The following PTPRK variants were observed in gnomAD, a reference collection of about 807,000 sequenced individuals.
PTPRK encodes receptor-type tyrosine-protein phosphatase kappa.
Under a neutral mutation model 178.0 loss-of-function variants are expected in PTPRK, and 75 were observed. The ratio of observed to expected loss-of-function variants is 0.42; its 90% CI spans 0.35 to 0.51. The LOEUF is 0.51. Among genes scored for constraint, PTPRK ranks in the 20% least tolerant of loss-of-function variants. The pLI, the probability that PTPRK is intolerant of heterozygous loss-of-function variation, is 0.02. For synonymous variants in PTPRK, 637 were observed against 620.6 expected (o/e 1.03, Z -0.39); for missense variants, 1,441 against 1,797.8 (o/e 0.80, Z 3.59).
At chr6:128,131,872 ACT>A (rs1794297667) in intron 7 of PTPRK, among the ~76,000 whole-genome samples, 1 of 152,200 alleles carries the variant, frequency 6.6e-6, no homozygotes, top group South Asian at 2.1e-4. Context: ...ATGAGTCATC[ACT>A]TTTTTGTTAT....
At chr6:128,191,490 T>C (rs942028739) in intron 6 of PTPRK, among the ~76,000 whole-genome samples, 2 of 151,928 alleles carry the variant, frequency 1.3e-5, no homozygotes, top group Non-Finnish European at 2.9e-5. Flanking sequence ...GTTTTGGAGG[T>C]CTACTATAAC....
chr6:128,111,048 TACA>T (rs1262647174), intron 7 of PTPRK, among the ~76,000 whole-genome samples: 1 of 152,122 alleles, frequency 6.6e-6, no homozygotes, highest in Non-Finnish European at 1.5e-5. Flanking sequence ...AACTCTAATC[TACA>T]ACAACATCAC....
At chr6:128,498,412 G>A (rs1289139241) in intron 1 of PTPRK, among the ~76,000 whole-genome samples, 1 of 152,178 alleles carries the variant, frequency 6.6e-6, no homozygotes, top group Non-Finnish European at 1.5e-5. Flanking sequence ...TGGGGGAGAC[G>A]TTTACTCAGT....
chr6:128,333,836 G>A, intron 2 of PTPRK, among the ~76,000 whole-genome samples: 1 of 152,100 alleles, frequency 6.6e-6, no homozygotes, highest in East Asian at 1.9e-4. Flanking sequence ...CCCAGCTATT[G>A]GCCTATCTCA....
intron 1 of PTPRK, among the ~76,000 whole-genome samples, chr6:128,435,942 C>G (rs960405983): frequency 6.7e-6 from 1 of 149,298 alleles, no homozygotes; most frequent in Non-Finnish European, 1.5e-5. Context: ...TTAAATAAGT[C>G]AACTAATTGA....
At chr6:128,416,943 A>G (rs1021784774) in intron 1 of PTPRK, among the ~76,000 whole-genome samples, 5 of 148,660 alleles carry the variant, frequency 3.4e-5, no homozygotes, top group African/African-American at 9.8e-5. Flanking sequence ...TTTTATGGAT[A>G]TAATAATTAT....
chr6:128,367,501 C>T (rs1426114957), intron 2 of PTPRK, among the ~76,000 whole-genome samples: 1 of 152,138 alleles, frequency 6.6e-6, no homozygotes, highest in Non-Finnish European at 1.5e-5. Flanking sequence ...ACATAACTTG[C>T]AGCACTTTTA....
chr6:128,208,652 T>G (rs1019685467), intron 6 of PTPRK, among the ~76,000 whole-genome samples: 3 of 152,134 alleles, frequency 2.0e-5, no homozygotes, highest in Admixed American at 6.6e-5. Context: ...TAAAAAACTG[T>G]GCTTTCATCC....
At chr6:128,467,229 T>C (rs558158298) in intron 1 of PTPRK, among the ~76,000 whole-genome samples, 1 of 152,242 alleles carries the variant, frequency 6.6e-6, no homozygotes, top group African/African-American at 2.4e-5. Context: ...CTCAAACTTC[T>C]TGCCTCAGCC....
intron 2 of PTPRK, among the ~76,000 whole-genome samples, chr6:128,344,656 T>C (rs1412742807): frequency 1.3e-5 from 2 of 152,026 alleles, no homozygotes; most frequent in East Asian, 3.9e-4. Context: ...GCTGGGACTA[T>C]AGGCACACAC....
chr6:128,380,013 T>A (rs1190047521), intron 2 of PTPRK, among the ~76,000 whole-genome samples: 1 of 152,114 alleles, frequency 6.6e-6, no homozygotes, highest in Non-Finnish European at 1.5e-5. Flanking sequence ...AGCATTCCCA[T>A]GGACAATAGG....
intron 2 of PTPRK, among the ~76,000 whole-genome samples, chr6:128,369,202 T>C (rs910732223): frequency 2.7e-5 from 4 of 150,332 alleles, no homozygotes; most frequent in Non-Finnish European, 5.9e-5. Context: ...TTCCCACTTC[T>C]ATATTCCTGA....
At chr6:128,032,918 T>C (rs1775585075) in intron 13 of PTPRK, among the ~76,000 whole-genome samples, 1 of 152,120 alleles carries the variant, frequency 6.6e-6, no homozygotes, top group African/African-American at 2.4e-5. Context: ...CTTATTTTCT[T>C]GAATGACAGA....
chr6:128,171,268 C>A (rs1012820264), intron 7 of PTPRK, among the ~76,000 whole-genome samples: 2 of 151,914 alleles, frequency 1.3e-5, no homozygotes, highest in African/African-American at 4.8e-5. Context: ...ATTCACCAAG[C>A]CAGAAATGAT....
At chr6:127,988,332 C>A (rs570774010) in intron 21 of PTPRK, among the ~76,000 whole-genome samples, 1 of 122,640 alleles carries the variant, frequency 8.2e-6, no homozygotes, top group Non-Finnish European at 1.6e-5. Context: ...GAGACAGTGT[C>A]TCCCTCTGTC....
intron 3 of PTPRK, among the ~76,000 whole-genome samples, chr6:128,261,019 T>C (rs1221283991): frequency 6.6e-6 from 1 of 152,196 alleles, no homozygotes; most frequent in Non-Finnish European, 1.5e-5. Context: ...CCTGAGCTTA[T>C]ATAGCAATAG....
intron 1 of PTPRK, among the ~76,000 whole-genome samples, chr6:128,407,555 C>T (rs1175220966): frequency 1.5e-5 from 2 of 132,210 alleles, no homozygotes; most frequent in African/African-American, 2.8e-5. Context: ...GGGAAGATAT[C>T]TTGAGCCCAG....
At chr6:128,477,781 C>CT (rs963989854) in intron 1 of PTPRK, among the ~76,000 whole-genome samples, 1 of 152,018 alleles carries the variant, frequency 6.6e-6, no homozygotes, top group African/African-American at 2.4e-5. Context: ...TAAACACTGA[C>CT]TTTTTTTATT....
intron 8 of PTPRK, among the ~76,000 whole-genome samples, chr6:128,088,985 G>A (rs1410668346): frequency 6.6e-6 from 1 of 152,072 alleles, no homozygotes; most frequent in African/African-American, 2.4e-5. Context: ...TCCTTGAGAC[G>A]GAGTTTTGCT....
Sources: gnomAD v4.1 joint callset for allele counts (sites outside exome capture counted in the v4.1 genomes callset) on GRCh38, gnomAD v4.1.1 for gene constraint, MANE v1.5 for transcripts, NCBI Gene and HGNC (gene_info 2026-07-23, HGNC 2026-07-21) for gene names.